Variants in ABI3BP observed in about 807,000 individuals in gnomAD.
The protein encoded by ABI3BP is target of Nesh-SH3.
ABI3BP carries 216 observed loss-of-function variants against 268.6 expected under a neutral mutation model. The observed-to-expected ratio is 0.80, with a 90% CI of 0.72 to 0.90. The LOEUF (loss-of-function observed/expected upper bound fraction) is 0.90, where lower values mean the gene tolerates loss of function less well. Ranked by LOEUF, ABI3BP falls within the 40% of genes least tolerant of loss-of-function variation. ABI3BP has a pLI of 0.00. For missense variants in ABI3BP, 2,090 were observed against 2,182.4 expected (o/e 0.96, Z 0.84); for synonymous variants, 730 against 730.0 (o/e 1.00, Z 0.00).
chr3:100,876,631 G>T (rs1207951113), intron 6 of ABI3BP, 71 bp from the exon 7 acceptor site: 7 of 1,372,784 alleles, frequency 5.1e-6, no homozygotes, highest in Non-Finnish European at 7.2e-6. Context: ...AACGTTCGGA[G>T]AACTGGAAGT....
chr3:100,883,347 A>G (rs1200554581), intron 6 of ABI3BP, among the ~76,000 whole-genome samples: 1 of 152,162 alleles, frequency 6.6e-6, no homozygotes, highest in African/African-American at 2.4e-5. Flanking sequence ...AAAAATGTCT[A>G]TGAGCAAACT....
At chr3:100,806,237 C>T (rs188048547) in intron 50 of ABI3BP, among the ~76,000 whole-genome samples, 1 of 152,118 alleles carries the variant, frequency 6.6e-6, no homozygotes, top group African/African-American at 2.4e-5. Context: ...GGTGGATGAA[C>T]AAAATTTGTT....
intron 17 of ABI3BP, among the ~76,000 whole-genome samples, chr3:100,849,749 A>G (rs116422382): frequency 0.012 from 1,791 of 152,354 alleles, 27 homozygotes; most frequent in African/African-American, 0.04. Flanking sequence ...AGAAGGGAAC[A>G]TATTTTGAAA....
At chr3:100,902,820 A>C in intron 2 of ABI3BP, 134 bp from the exon 3 acceptor site, 1 of 655,376 alleles carries the variant, frequency 1.5e-6, no homozygotes, top group Non-Finnish European at 2.6e-6. Context: ...AGGACCCAAT[A>C]ATCCGAAAAG....
rs888880831 is a variant in ABI3BP at position 100,962,661 on chromosome 3, C to T, written c.79+30645G>A. Among the ~76,000 whole-genome samples, 14 of 152,176 alleles carry T rather than the reference C, an allele frequency of 9.2e-5. No individual in the cohort carries two copies. The South Asian group carries it at 1.0e-3, about 11-fold the overall frequency. ...ACTGTTCATTTTACTTAAAGATTAGCATTTGACACTTTTGATCACACCCTC... is the reference window on the plus strand; with the variant it reads ...ACTGTTCATTTTACTTAAAGATTAGTATTTGACACTTTTGATCACACCCTC... On this transcript the variant is annotated intron_variant, in intron 1 of 67. Transcript: ENST00000471714.
At chr3:100,963,283 A>G (rs1307353265) in intron 1 of ABI3BP, among the ~76,000 whole-genome samples, 1 of 152,176 alleles carries the variant, frequency 6.6e-6, no homozygotes, top group African/African-American at 2.4e-5. Context: ...CACATTCTCA[A>G]TGACTACATT....
intron 2 of ABI3BP, among the ~76,000 whole-genome samples, chr3:100,904,570 G>A (rs2052299863): frequency 6.6e-6 from 1 of 152,126 alleles, no homozygotes; most frequent in African/African-American, 2.4e-5. Flanking sequence ...GGTAAGGAGG[G>A]GGACACACAG....
chr3:100,926,242 T>C (rs756861248), intron 2 of ABI3BP, 60 bp downstream of exon 2: 2 of 1,553,050 alleles, frequency 1.3e-6, no homozygotes, highest in Non-Finnish European at 1.8e-6. Flanking sequence ...TTGTAGGTCA[T>C]GTTACACCCC....
chr3:100,782,875 T>G (rs1257949611), intron 57 of ABI3BP, among the ~76,000 whole-genome samples: 1 of 152,142 alleles, frequency 6.6e-6, no homozygotes, highest in East Asian at 1.9e-4. Context: ...ACCTGACTTC[T>G]TTTTCCCTCA....
intron 2 of ABI3BP, among the ~76,000 whole-genome samples, chr3:100,912,986 C>T (rs1006296016): frequency 3.3e-5 from 5 of 152,122 alleles, no homozygotes. Context: ...GAGAGGGGAA[C>T]CCCACTGAAG....
intron 59 of ABI3BP, among the ~76,000 whole-genome samples, chr3:100,777,198 G>T (rs2096729728): frequency 6.6e-6 from 1 of 152,124 alleles, no homozygotes; most frequent in African/African-American, 2.4e-5. Context: ...TCCCTTTCAT[G>T]GCGATCCTCA....
chr3:100,794,938 G>T lies in ABI3BP; in HGVS notation c.3931C>A (p.Leu1311Ile), dbSNP rs771947248. ...MISPSPSQEE[L>I]QTTLEETDQS... ...CGAAATTTACCCAGAGTGGTCTGTAGTTCCTCTTGACTAGGACTTGGGGAA... is the reference window on the plus strand; with the variant it reads ...CGAAATTTACCCAGAGTGGTCTGTATTTCCTCTTGACTAGGACTTGGGGAA... The change falls in exon 54 of 68, where the codon CTA becomes ATA. Residue 1311 changes from leucine (L) to isoleucine (I), a missense_variant. Physicochemically the swap from Leu to Ile is conservative, Grantham distance 5. Coordinates refer to ENST00000471714, the MANE Select transcript of ABI3BP (RefSeq NM_001375547.2). The T allele has an allele frequency of 4.5e-6, 7 of 1,569,516 alleles. No homozygotes were observed. The African/African-American group carries it at 6.8e-5, about 15-fold the overall frequency.
At position 100,810,460 on chromosome 3, in the gene ABI3BP, A is replaced by G. The variant is rs907191086; in HGVS notation, c.3559T>C (p.Ser1187Pro). ...GGGCTGGGTAGGGTTATAGATTGAG[A>G]AGGCAGAGGCGACGTTTCTATGGTA... Reference protein sequence around the residue: ...ETTLETSPLPSQSITLPSPDE... With the variant: ...ETTLETSPLPPQSITLPSPDE... The change falls in exon 49 of 68, where the codon TCT (serine) becomes CCT (proline). Residue 1187 changes from serine to proline, a missense_variant. Transcript: ENST00000471714. 1 of 1,535,000 alleles carries G rather than the reference A, an allele frequency of 6.5e-7. No homozygotes were observed. The highest frequency in any genetic ancestry group is 8.7e-7 in the Non-Finnish European group (1 of 1,146,092).
At chr3:100,904,491 T>C (rs968866117) in intron 2 of ABI3BP, among the ~76,000 whole-genome samples, 1 of 152,138 alleles carries the variant, frequency 6.6e-6, no homozygotes, top group Non-Finnish European at 1.5e-5. Flanking sequence ...GGAACCATGA[T>C]GTGTGGGAGT....
At chr3:100,853,370 G>A (rs1320970896) in intron 14 of ABI3BP, among the ~76,000 whole-genome samples, 1 of 152,162 alleles carries the variant, frequency 6.6e-6, no homozygotes, top group East Asian at 1.9e-4. Context: ...TTAATCAAAA[G>A]TGCCCGCAAT....
rs2152548439 is a variant in ABI3BP, at chr3:100,815,972, C to A, written c.3230-1G>T. 6.6e-7 allele frequency: 1 copy of A among 1,515,594 alleles called. No homozygotes were observed. The highest frequency in any genetic ancestry group is 2.5e-5 in the East Asian group (1 of 40,502). The allele number at this position is 1,515,594 out of a possible 1,614,324, so 93.9% of individuals were successfully genotyped here. A position where few individuals can be genotyped will look rare whatever the true frequency, so the allele number is the denominator to read the frequency against. ...ACAGGTTCAAAGCCTGTAACAGAAA[C>A]TAACCAAAAGCAACAACATGAATAC... On this transcript the variant is annotated splice_acceptor_variant, in intron 43 of 67. Coordinates refer to ENST00000471714, the MANE Select transcript of ABI3BP (RefSeq NM_001375547.2). LOFTEE classifies it high-confidence loss of function.
chr3:100,796,197 A>C (rs1187584865), intron 52 of ABI3BP, among the ~76,000 whole-genome samples: 1 of 152,058 alleles, frequency 6.6e-6, no homozygotes, highest in Non-Finnish European at 1.5e-5. Context: ...AGCGTGATCT[A>C]CTCAATGAAC....
intron 2 of ABI3BP, among the ~76,000 whole-genome samples, chr3:100,905,011 C>A (rs2052585216): frequency 6.6e-6 from 1 of 152,226 alleles, no homozygotes; most frequent in Admixed American, 6.5e-5. Context: ...GGCACCAACC[C>A]AAATGTCCAA....
intron 2 of ABI3BP, among the ~76,000 whole-genome samples, chr3:100,904,464 T>C (rs1432729428): frequency 6.6e-6 from 1 of 152,204 alleles, no homozygotes; most frequent in Non-Finnish European, 1.5e-5. Flanking sequence ...AGGAATGCAT[T>C]ATCATATAAT....
Sources: allele counts gnomAD v4.1 joint callset (sites outside exome capture counted in the v4.1 genomes callset), GRCh38; gene constraint gnomAD v4.1.1; transcripts MANE v1.5; gene names NCBI Gene and HGNC (gene_info 2026-07-23, HGNC 2026-07-21).